Variants in NLGN4X observed in about 807,000 individuals in gnomAD.
NLGN4X encodes neuroligin 4 X-linked.
Under a neutral mutation model 40.3 loss-of-function variants are expected in NLGN4X, and 3 were observed. The observed-to-expected ratio is 0.07, with a 90% confidence interval of 0.03 to 0.19. NLGN4X has a LOEUF of 0.19. NLGN4X is among the 10% of genes least tolerant of loss of function. The pLI is 1.00. For missense variants in NLGN4X, 382 were observed against 708.3 expected (o/e 0.54, Z 5.23); for synonymous variants, 270 against 306.8 (o/e 0.88, Z 1.25).
intron 3 of NLGN4X, among the ~76,000 whole-genome samples, chrX:5,997,565 C>CGCGTGT (rs535392837): frequency 1.5e-5 from 1 of 68,079 alleles, no homozygotes; most frequent in Non-Finnish European, 3.0e-5. Flanking sequence ...TATAAAATTA[C>CGCGTGT]ATGTGTGTGT....
At chrX:6,029,555 T>G (rs2036800026) in intron 2 of NLGN4X, 123 bp from the exon 3 acceptor site, 1 of 669,517 alleles carries the variant, frequency 1.5e-6, no homozygotes, top group African/African-American at 2.2e-5. Context: ...ACATTTATTT[T>G]TATGGATGAT....
chrX:5,902,218 C>T (rs2031910377), intron 5 of NLGN4X, among the ~76,000 whole-genome samples: 1 of 111,330 alleles, frequency 9.0e-6, no homozygotes, highest in Admixed American at 9.6e-5. Flanking sequence ...CACAGCAAAA[C>T]CCTGTCTCTA....
chrX:6,084,617 G>A (rs1417224446), intron 2 of NLGN4X, among the ~76,000 whole-genome samples: 1 of 111,930 alleles, frequency 8.9e-6, no homozygotes, highest in Non-Finnish European at 1.9e-5. Context: ...GTGTGAATGT[G>A]TTCCCCGAAT....
intron 4 of NLGN4X, among the ~76,000 whole-genome samples, chrX:5,908,277 T>C (rs2032308813): frequency 1.8e-5 from 2 of 110,356 alleles, no homozygotes; most frequent in African/African-American, 6.6e-5. Flanking sequence ...AATCTACTTC[T>C]ACCCAGAATC....
intron 3 of NLGN4X, among the ~76,000 whole-genome samples, chrX:5,921,435 G>GAGAGAGAGAC (rs56401350): frequency 1.6e-5 from 1 of 64,458 alleles, no homozygotes; most frequent in East Asian, 4.8e-4. Context: ...GAGAGAGAGA[G>GAGAGAGAGAC]GAGAGACAGA....
At chrX:5,938,097 A>G (rs930964654) in intron 3 of NLGN4X, among the ~76,000 whole-genome samples, 12 of 111,498 alleles carry the variant, frequency 1.1e-4, no homozygotes, top group Non-Finnish European at 1.9e-4. Context: ...TCAGAACAAA[A>G]AAGATTTTGA....
At chrX:6,029,208 G>T in intron 3 of NLGN4X, 72 bp downstream of exon 3, 1 of 1,109,242 alleles carries the variant, frequency 9.0e-7, no homozygotes, top group Admixed American at 2.2e-5. Context: ...AAATCCACGA[G>T]CCCCGTCAAA....
intron 2 of NLGN4X, among the ~76,000 whole-genome samples, chrX:6,104,264 G>T (rs886940253): frequency 1.2e-4 from 13 of 112,190 alleles, no homozygotes; most frequent in Non-Finnish European, 2.4e-4. Flanking sequence ...TACAGAAATA[G>T]AAACTTATGC....
intron 3 of NLGN4X, among the ~76,000 whole-genome samples, chrX:5,976,554 C>A (rs1395739909): frequency 1.8e-5 from 2 of 111,947 alleles, no homozygotes; most frequent in Non-Finnish European, 3.8e-5. Flanking sequence ...AGACTCTTAC[C>A]CTTTTGTTAA....
intron 3 of NLGN4X, among the ~76,000 whole-genome samples, chrX:5,922,820 G>A (rs1398248723): frequency 2.7e-5 from 3 of 110,902 alleles, no homozygotes; most frequent in Non-Finnish European, 5.7e-5. Context: ...CCGAGATCAT[G>A]CCACTGCACA....
intron 2 of NLGN4X, among the ~76,000 whole-genome samples, chrX:6,070,770 C>T (rs2038041334): frequency 9.0e-6 from 1 of 111,180 alleles, no homozygotes; most frequent in Admixed American, 9.6e-5. Context: ...CAGAAGGTGG[C>T]GGGATGGAAG....
intron 2 of NLGN4X, among the ~76,000 whole-genome samples, chrX:6,072,479 GAA>G (rs1277877990): frequency 9.0e-6 from 1 of 111,721 alleles, no homozygotes; most frequent in Non-Finnish European, 1.9e-5. Flanking sequence ...TGTAAATGAG[GAA>G]AGAGTAAAAT....
At chrX:6,190,673 AG>A (rs1260232111) in intron 1 of NLGN4X, among the ~76,000 whole-genome samples, 1 of 111,955 alleles carries the variant, frequency 8.9e-6, no homozygotes, top group African/African-American at 3.2e-5. Flanking sequence ...ATGTCCAGAC[AG>A]TGAGAAGGAT....
chrX:5,899,677 T>TC (rs2031729278), intron 5 of NLGN4X, among the ~76,000 whole-genome samples: 1 of 103,796 alleles, frequency 9.6e-6, no homozygotes, highest in African/African-American at 3.3e-5. Context: ...TTTATCTTTT[T>TC]CTGTCTTTTT....
At chrX:6,207,403 G>A (rs1235849543) in intron 1 of NLGN4X, among the ~76,000 whole-genome samples, 1 of 111,827 alleles carries the variant, frequency 8.9e-6, no homozygotes, top group Non-Finnish European at 1.9e-5. Context: ...CTATTTCCTT[G>A]TAGAGCAAAA....
chrX:6,153,380 A>G (rs1602328570), intron 1 of NLGN4X, among the ~76,000 whole-genome samples: 2 of 111,946 alleles, frequency 1.8e-5, no homozygotes, highest in Admixed American at 1.9e-4. Flanking sequence ...CTCACCAATG[A>G]CTGATTTAGG....
At chrX:5,899,114 T>A (rs1341306411) in intron 5 of NLGN4X, among the ~76,000 whole-genome samples, 1 of 112,483 alleles carries the variant, frequency 8.9e-6, no homozygotes, top group Non-Finnish European at 1.9e-5. Flanking sequence ...ACACGTTGCA[T>A]TTCACATGAG....
chrX:6,064,706 G>C (rs1351112383), intron 2 of NLGN4X, among the ~76,000 whole-genome samples: 1 of 111,273 alleles, frequency 9.0e-6, no homozygotes, highest in African/African-American at 3.3e-5. Context: ...TCGAGGCAAA[G>C]TAAAAACTAT....
chrX:5,895,654 C>T (rs1021730938), intron 5 of NLGN4X, among the ~76,000 whole-genome samples: 3 of 110,699 alleles, frequency 2.7e-5, no homozygotes, highest in Non-Finnish European at 5.7e-5. Context: ...AGATGTATAA[C>T]ATAATACAGG....
Sources: allele counts gnomAD v4.1 joint callset (sites outside exome capture counted in the v4.1 genomes callset), GRCh38; gene constraint gnomAD v4.1.1; transcripts MANE v1.5; gene names NCBI Gene and HGNC (gene_info 2026-07-23, HGNC 2026-07-21).